Variants in SPNS3 observed in about 807,000 individuals in gnomAD.
SPNS3 encodes SPNS lysolipid transporter 3, sphingosine-1-phosphate (putative).
Under a neutral mutation model 54.4 loss-of-function variants are expected in SPNS3, and 51 were observed. The ratio of observed to expected loss-of-function variants is 0.94; its 90% CI spans 0.75 to 1.18. The LOEUF is 1.18. Among genes scored for constraint, SPNS3 ranks in the 50% most tolerant of loss-of-function variants. SPNS3 has a pLI of 0.00. For missense variants in SPNS3, 669 were observed against 677.4 expected (o/e 0.99, Z 0.14); for synonymous variants, 309 against 294.7 (o/e 1.05, Z -0.50).
At chr17:4,459,404 C>G (rs1018325147) in intron 8 of SPNS3, among the ~76,000 whole-genome samples, 17 of 152,138 alleles carry the variant, frequency 1.1e-4, no homozygotes, top group Admixed American at 1.1e-3. Flanking sequence ...AAGTGGCATA[C>G]TAGTTTAAAT....
At chr17:4,445,268 C>T (rs1166521223) in intron 3 of SPNS3, 100 bp downstream of exon 3, 3 of 1,266,062 alleles carry the variant, frequency 2.4e-6, no homozygotes, top group Non-Finnish European at 3.3e-6. Context: ...AATTCTGCTC[C>T]ATTCCTGGCT....
intron 8 of SPNS3, among the ~76,000 whole-genome samples, chr17:4,473,872 C>G (rs1438975883): frequency 6.6e-6 from 1 of 152,154 alleles, no homozygotes; most frequent in Non-Finnish European, 1.5e-5. Context: ...CTCTGTGGCC[C>G]CTGGAGTGGT....
chr17:4,434,256 C>T, intron 1 of SPNS3, 90 bp downstream of exon 1: 2 of 1,284,484 alleles, frequency 1.6e-6, no homozygotes, highest in Non-Finnish European at 2.2e-6. Context: ...CAGCCATCAC[C>T]CATCTTTCTG....
chr17:4,465,900 G>C (rs543415905), intron 8 of SPNS3, among the ~76,000 whole-genome samples: 2 of 152,216 alleles, frequency 1.3e-5, no homozygotes, highest in Non-Finnish European at 2.9e-5. Flanking sequence ...CATTGCATGG[G>C]AAAGTGTTTT....
At chr17:4,440,122 TCAAA>T (rs1233129420) in intron 2 of SPNS3, among the ~76,000 whole-genome samples, 1 of 151,862 alleles carries the variant, frequency 6.6e-6, no homozygotes, top group Non-Finnish European at 1.5e-5. Flanking sequence ...ACACACAAAG[TCAAA>T]CAGACAGACA....
intron 8 of SPNS3, among the ~76,000 whole-genome samples, chr17:4,453,622 G>A (rs2326059): frequency 0.43 from 64,573 of 151,550 alleles, 14,297 homozygotes; most frequent in African/African-American, 0.51. Flanking sequence ...CATCTTGGGG[G>A]AAAAAAACAG....
At chr17:4,454,969 G>A (rs11078509) in intron 8 of SPNS3, among the ~76,000 whole-genome samples, 55,071 of 149,964 alleles carry the variant, frequency 0.37, 10,563 homozygotes, top group African/African-American at 0.48. Flanking sequence ...GCTGGAGTGC[G>A]GTGGCGCGAT....
At chr17:4,453,228 G>A (rs1971216782) in intron 8 of SPNS3, 23 bp downstream of exon 8, 2 of 1,601,872 alleles carry the variant, frequency 1.2e-6, no homozygotes, top group Non-Finnish European at 1.7e-6. Context: ...CTCTATGGAG[G>A]TGGGGACAGG....
At chr17:4,468,870 C>A (rs1400453029) in intron 8 of SPNS3, among the ~76,000 whole-genome samples, 1 of 151,372 alleles carries the variant, frequency 6.6e-6, no homozygotes, top group South Asian at 2.1e-4. Flanking sequence ...CTCACTGCAA[C>A]CTCCACCTCC....
chr17:4,465,494 G>A (rs558519773), intron 8 of SPNS3, among the ~76,000 whole-genome samples: 21 of 152,210 alleles, frequency 1.4e-4, no homozygotes, highest in African/African-American at 3.6e-4. Context: ...TTGGGAGGCC[G>A]AGGCGGGAGG....
intron 8 of SPNS3, among the ~76,000 whole-genome samples, chr17:4,455,465 TG>T (rs35463970): frequency 1.3e-5 from 2 of 152,140 alleles, no homozygotes; most frequent in East Asian, 1.9e-4. Flanking sequence ...AGGCGGGGTG[TG>T]GGGGGTACTT....
intron 8 of SPNS3, among the ~76,000 whole-genome samples, chr17:4,464,841 G>A (rs1054195076): frequency 2.6e-5 from 4 of 151,936 alleles, no homozygotes; most frequent in Admixed American, 6.6e-5. Context: ...CACTATGCCC[G>A]GCTGACTTTT....
chr17:4,463,705 C>T (rs1366256470), intron 8 of SPNS3, among the ~76,000 whole-genome samples: 2 of 149,746 alleles, frequency 1.3e-5, no homozygotes, highest in African/African-American at 4.9e-5. Flanking sequence ...TGCCACTGCA[C>T]TCCAGCCGGG....
chr17:4,479,780 T>C (rs886707146), intron 9 of SPNS3, among the ~76,000 whole-genome samples: 2 of 152,232 alleles, frequency 1.3e-5, no homozygotes, highest in African/African-American at 4.8e-5. Context: ...ATGGGCTGTG[T>C]GGCCTTAGGC....
At chr17:4,450,343 C>A (rs1971126624) in intron 7 of SPNS3, among the ~76,000 whole-genome samples, 1 of 101,072 alleles carries the variant, frequency 9.9e-6, no homozygotes, top group Non-Finnish European at 2.0e-5. Flanking sequence ...CTCTCCCTCT[C>A]CCTCTCCCCT....
intron 11 of SPNS3, among the ~76,000 whole-genome samples, chr17:4,487,167 CAAAAAAAA>C (rs35822922): frequency 1.3e-4 from 9 of 70,510 alleles, no homozygotes; most frequent in Non-Finnish European, 2.1e-4. Context: ...AAGACTGTCT[CAAAAAAAA>C]AAAAAAAAAA....
chr17:4,480,940 C>T (rs1454697352), intron 9 of SPNS3, among the ~76,000 whole-genome samples: 2 of 152,150 alleles, frequency 1.3e-5, no homozygotes, highest in African/African-American at 2.4e-5. Context: ...TCCTTGTAGC[C>T]CCTATAGTTC....
chr17:4,449,283 G>T lies in SPNS3; in HGVS notation c.819G>T (p.Val273=), dbSNP rs1220668802. The change falls in exon 7 of 12, where the codon GTG becomes GTT. Residue 273 remains valine, a synonymous_variant. Transcript: ENST00000355530. The part of the protein sequence containing the change: ...STLGVTAMAF[V]TGALGFWAPK... ...TCGGAGTGACCGCCATGGCCTTTGT[G>T]ACTGGAGCCCTGGGGTTCTGGGCCC... 1 of 1,612,692 alleles carries T rather than the reference G, an allele frequency of 6.2e-7. No homozygotes were observed.
chr17:4,455,152 G>A (rs567871887), intron 8 of SPNS3, among the ~76,000 whole-genome samples: 119 of 152,284 alleles, frequency 7.8e-4, no homozygotes, highest in African/African-American at 2.8e-3. Flanking sequence ...GACCTCAGGC[G>A]ATCCGCCTGT....
Sources: allele counts gnomAD v4.1 joint callset (sites outside exome capture counted in the v4.1 genomes callset), GRCh38; gene constraint gnomAD v4.1.1; transcripts MANE v1.5; gene names NCBI Gene and HGNC (gene_info 2026-07-23, HGNC 2026-07-21).